The following TRIM66 variants were observed in gnomAD, a reference collection of about 807,000 sequenced individuals.
TRIM66 encodes tripartite motif containing 66, also known as tripartite motif-containing protein 66.
TRIM66 carries 99 observed loss-of-function variants against 148.2 expected under a neutral mutation model. The ratio of observed to expected loss-of-function variants is 0.67; its 90% CI spans 0.57 to 0.79. The LOEUF (loss-of-function observed/expected upper bound fraction) is 0.79. Among genes scored for constraint, TRIM66 ranks in the 30% least tolerant of loss-of-function variants. TRIM66 has a pLI of 0.00. For missense variants in TRIM66, 1,666 were observed against 1,697.9 expected (o/e 0.98, Z 0.33); for synonymous variants, 616 against 635.9 (o/e 0.97, Z 0.47).
At position 8,651,798 on chromosome 11, in the gene TRIM66, A is replaced by G. The variant is rs1433190586; in HGVS notation, c.444+2T>C. 4 of 1,551,486 alleles carry G rather than the reference A, an allele frequency of 2.6e-6. No individual in the cohort carries two copies. Among genetic ancestry groups the G allele is most frequent in the Non-Finnish European group, 2.6e-6 (3 of 1,146,776 alleles). Reference sequence around the variant, plus strand: ...GCTGCTTCTTTCCTTGTCCTGACTTACCCTGGCCATCTTGGGTTGCTCAGT... The same window carrying G: ...GCTGCTTCTTTCCTTGTCCTGACTTGCCCTGGCCATCTTGGGTTGCTCAGT... On this transcript the variant is annotated splice_donor_variant, in intron 7 of 24. Transcript: ENST00000646038. LOFTEE classifies it high-confidence loss of function.
At chr11:8,649,659 C>G (rs140541252) in intron 8 of TRIM66, 81 bp downstream of exon 8, 2 of 1,486,842 alleles carry the variant, frequency 1.3e-6, no homozygotes, top group Non-Finnish European at 1.8e-6. Context: ...AAAACAAGAT[C>G]GGAGAGCTAT....
In TRIM66 at chr11:8,640,763, C is replaced by T. The variant is rs202229005; in HGVS notation, c.1612G>A (p.Val538Met). The stretch of plus-strand genomic sequence containing the variant: ...CGCTGGGATGTGCTCTCCTGCTCCA[C>T]GGGGGGCTGGGTTTCCAGCCAGGGC... ...LQPWLETQPP[V>M]EQESTSQRLG... The change falls in exon 14 of 25, where the codon GTG (valine) becomes ATG (methionine). Residue 538 changes from valine to methionine, a missense_variant. Physicochemically the swap from Val to Met is conservative, Grantham distance 21. Around this residue, in one of 3 missense-constraint regions of TRIM66, gnomAD observed 1,431 missense variants for 1,412.4 expected, o/e 1.01. Coordinates refer to ENST00000646038, the MANE Select transcript of TRIM66 (RefSeq NM_001388022.1). The T allele has an allele frequency of 1.5e-3, 2,360 of 1,551,306 alleles. 3 individuals carry two copies. The highest frequency in any genetic ancestry group is 1.8e-3 in the South Asian group (152 of 84,046).
chr11:8,650,356 G>A (rs961425980), intron 7 of TRIM66, among the ~76,000 whole-genome samples: 3 of 152,054 alleles, frequency 2.0e-5, no homozygotes, highest in African/African-American at 7.2e-5. Context: ...CTGGGCAACA[G>A]AGGAAGACCC....
intron 6 of TRIM66, among the ~76,000 whole-genome samples, chr11:8,654,812 A>G (rs2037669906): frequency 6.6e-6 from 1 of 152,176 alleles, no homozygotes; most frequent in Non-Finnish European, 1.5e-5. Flanking sequence ...GTTTTTAAGA[A>G]TCTAGTTGAT....
chr11:8,643,268 G>C (rs925789149), intron 12 of TRIM66, 142 bp from the exon 13 acceptor site: 18 of 574,700 alleles, frequency 3.1e-5, no homozygotes, highest in Middle Eastern at 5.2e-4. Flanking sequence ...TCATTCTCTT[G>C]CACCTTAGCA....
rs186059608 is a variant in TRIM66, at chr11:8,652,834, C to T, written c.341-931G>A. Among the ~76,000 whole-genome samples the T allele has an allele frequency of 3.5e-3, 526 of 152,282 alleles. 2 individuals are homozygous for T. The highest frequency in any genetic ancestry group is 0.011 in the African/African-American group (475 of 41,552). On this transcript the variant is annotated intron_variant, in intron 6 of 24. Coordinates refer to ENST00000646038, the MANE Select transcript of TRIM66 (RefSeq NM_001388022.1). Reference sequence around the variant, plus strand: ...TCCTCTGTCTCATCTCTTCAAAATACGAAAGAATGATATGATGGCAGTTGC... The same window carrying T: ...TCCTCTGTCTCATCTCTTCAAAATATGAAAGAATGATATGATGGCAGTTGC...
Position 8,617,839 on chromosome 11 carries a change from A to G in TRIM66, c.*105T>C, listed in dbSNP as rs1329968497. ...GAAGAGCACTACACAGTTCAACAAGACTCATCTACCATCCACACTCTGAAG... is the reference window on the plus strand; with the variant it reads ...GAAGAGCACTACACAGTTCAACAAGGCTCATCTACCATCCACACTCTGAAG... On this transcript the variant is annotated 3_prime_UTR_variant, in exon 25 of 25. Transcript: ENST00000646038. The G allele has an allele frequency of 9.1e-7, 1 of 1,102,000 alleles. No homozygotes were observed. Among genetic ancestry groups the G allele is most frequent in the Admixed American group, 2.1e-5 (1 of 48,292 alleles). 68.3% of individuals were successfully genotyped at this position (1,102,000 alleles called of 1,614,324 possible).
rs2038953068 is a variant in TRIM66 at position 8,671,859 on chromosome 11, G to GTA, written c.266_267insTA (p.Arg90ThrfsTer9). 2 of 1,535,646 alleles carry GTA rather than the reference G, an allele frequency of 1.3e-6. No homozygotes were observed. Among genetic ancestry groups the GTA allele is most frequent in the Non-Finnish European group, 1.7e-6 (2 of 1,146,456 alleles). ...TCAAGCCCTGGAAGCAGTCCTTACG[G>GTA]AGCAAATGCTGGCAGGATAGGAGAT... is the stretch of plus-strand genomic sequence containing the variant. On this transcript the variant is annotated frameshift_variant, in exon 6 of 25. Coordinates refer to ENST00000646038, the MANE Select transcript of TRIM66 (RefSeq NM_001388022.1). LOFTEE classifies it high-confidence loss of function.
chr11:8,644,331 C>T (rs527265600), intron 12 of TRIM66: 1 of 429,156 alleles, frequency 2.3e-6, no homozygotes, highest in East Asian at 7.3e-5. Context: ...CTTGTCACTT[C>T]TTTTCTTGTC....
At chr11:8,646,415 C>T (rs1396598771) in intron 11 of TRIM66, 32 bp downstream of exon 11, 1 of 1,525,952 alleles carries the variant, frequency 6.6e-7, no homozygotes, top group Non-Finnish European at 8.9e-7. Flanking sequence ...GGTTTCTGAA[C>T]CCAACCATCT....
At chr11:8,680,086 G>C (rs1421330226) in intron 1 of TRIM66, 23 bp from the exon 2 acceptor site, 2 of 152,268 alleles carry the variant, frequency 1.3e-5, no homozygotes, top group African/African-American at 4.8e-5. Flanking sequence ...AGAATATAAA[G>C]TTGGCCTTAA....
intron 6 of TRIM66, among the ~76,000 whole-genome samples, chr11:8,669,465 G>A (rs12271470): frequency 0.35 from 53,592 of 151,892 alleles, 10,090 homozygotes; most frequent in East Asian, 0.6. Context: ...CCAACATGGC[G>A]AAACCCTGTC....
At chr11:8,666,341 GAAAAAAAAAAAAAA>G (rs558326812) in intron 6 of TRIM66, among the ~76,000 whole-genome samples, 3 of 23,552 alleles carry the variant, frequency 1.3e-4, no homozygotes, top group Admixed American at 5.0e-4. Flanking sequence ...CTCCGCCTCA[GAAAAAAAAAAAAAA>G]AAAAAAAAAA....
At chr11:8,632,014 G>A (rs1347118518) in intron 15 of TRIM66, among the ~76,000 whole-genome samples, 3 of 152,182 alleles carry the variant, frequency 2.0e-5, no homozygotes, top group African/African-American at 4.8e-5. Flanking sequence ...CTTCAGTCTA[G>A]CTAAGGAAAC....
intron 18 of TRIM66, among the ~76,000 whole-genome samples, chr11:8,622,571 G>GTCAAAGACAGGAGCTCCCTGAAGTGC (rs1489839642): frequency 9.3e-5 from 14 of 151,182 alleles, no homozygotes; most frequent in African/African-American, 3.4e-4. Flanking sequence ...TGTAGTCCTG[G>GTCAAAGACAGGAGCTCCCTGAAGTGC]TCAAAGACAG....
intron 6 of TRIM66, among the ~76,000 whole-genome samples, chr11:8,653,185 C>T (rs919006601): frequency 6.6e-6 from 1 of 152,228 alleles, no homozygotes; most frequent in Non-Finnish European, 1.5e-5. Flanking sequence ...CCCCTCCCTG[C>T]ATCCATACCC....
At position 8,616,314 on chromosome 11, in the gene TRIM66, T is replaced by C. The variant is rs1182937165; in HGVS notation, c.*1630A>G. The C allele has an allele frequency of 6.6e-6, 1 of 152,184 alleles. No individual in the cohort carries two copies. Among genetic ancestry groups the C allele is most frequent in the Non-Finnish European group, 1.5e-5 (1 of 68,040 alleles). The allele number at this position is 152,184 out of a possible 1,614,324, so 9.4% of individuals were successfully genotyped here. On this transcript the variant is annotated 3_prime_UTR_variant, in exon 25 of 25. Coordinates refer to ENST00000646038, the MANE Select transcript of TRIM66 (RefSeq NM_001388022.1). ...CAACTCACAAAGAGAGAAGAAATGTTTTCTAATTAAAAAACTGCTCATTAG... is the reference window on the plus strand; with the variant it reads ...CAACTCACAAAGAGAGAAGAAATGTCTTCTAATTAAAAAACTGCTCATTAG...
intron 6 of TRIM66, among the ~76,000 whole-genome samples, chr11:8,664,893 A>C (rs904705336): frequency 6.6e-6 from 1 of 152,062 alleles, no homozygotes; most frequent in Non-Finnish European, 1.5e-5. Flanking sequence ...AGAGTTGAAA[A>C]CAAGCTGGAC....
chr11:8,627,103 A>T (rs2034922853), intron 15 of TRIM66, among the ~76,000 whole-genome samples: 1 of 152,178 alleles, frequency 6.6e-6, no homozygotes, highest in African/African-American at 2.4e-5. Flanking sequence ...GCTTCATACC[A>T]CAATCCGTGA....
Sources: allele counts gnomAD v4.1 joint callset (sites outside exome capture counted in the v4.1 genomes callset), GRCh38; gene constraint gnomAD v4.1.1; regional missense constraint gnomAD v4.1.1; transcripts MANE v1.5; gene names NCBI Gene and HGNC (gene_info 2026-07-23, HGNC 2026-07-21).